Variants in SPPL2A observed in about 807,000 individuals in gnomAD.
SPPL2A encodes the protein signal peptide peptidase-like 2A.
In SPPL2A, 51 loss-of-function variants were observed where a neutral mutation model predicts 63.8. The observed-to-expected ratio is 0.80, with a 90% CI of 0.64 to 1.01. SPPL2A has a LOEUF of 1.01. Ranked by LOEUF, SPPL2A falls within the 50% of genes least tolerant of loss-of-function variation. The pLI is 0.00. For synonymous variants in SPPL2A, 188 were observed against 205.8 expected (o/e 0.91, Z 0.74); for missense variants, 553 against 622.7 (o/e 0.89, Z 1.19).
At chr15:50,758,437 A>G (rs2062980019) in intron 1 of SPPL2A, among the ~76,000 whole-genome samples, 1 of 150,870 alleles carries the variant, frequency 6.6e-6, no homozygotes, top group Admixed American at 6.6e-5. Context: ...GGTTCACGCC[A>G]TTCTCCTGCC....
intron 1 of SPPL2A, chr15:50,764,378 G>C (rs1405729244): frequency 6.6e-6 from 1 of 152,122 alleles, no homozygotes; most frequent in Non-Finnish European, 1.5e-5. Context: ...GCAATTTTTA[G>C]ATACATTCTC....
At chr15:50,741,573 G>A (rs1288154991) in intron 5 of SPPL2A, among the ~76,000 whole-genome samples, 1 of 151,532 alleles carries the variant, frequency 6.6e-6, no homozygotes, top group Non-Finnish European at 1.5e-5. Flanking sequence ...ATACATATGA[G>A]CCATAATAAT....
At position 50,732,599 on chromosome 15, in the gene SPPL2A, T is replaced by A; in HGVS notation, c.1014+4A>T. On this transcript the variant is annotated splice_donor_region_variant and intron_variant, in intron 9 of 14. Transcript: ENST00000261854. ...AACTAGCAAAGTAGTATTGTATACATTACCTTGAAGTTGGGCAACTTCAGT... is the reference window on the plus strand; with the variant it reads ...AACTAGCAAAGTAGTATTGTATACAATACCTTGAAGTTGGGCAACTTCAGT... 6.5e-7 allele frequency: 1 copy of A among 1,542,886 alleles called. No homozygotes were observed. The highest frequency in any genetic ancestry group is 8.9e-7 in the Non-Finnish European group (1 of 1,117,388).
At chr15:50,731,927 C>CAAAAAAAAAAAAAAAAAAA (rs60624824) in intron 9 of SPPL2A, among the ~76,000 whole-genome samples, 1 of 64,224 alleles carries the variant, frequency 1.6e-5, no homozygotes. Context: ...GACTCCATCT[C>CAAAAAAAAAAAAAAAAAAA]AAAAAAAAAA....
At chr15:50,722,261 G>A (rs2062654638) in intron 12 of SPPL2A, 60 bp from the exon 13 acceptor site, 1 of 909,300 alleles carries the variant, frequency 1.1e-6, no homozygotes, top group African/African-American at 1.6e-5. Flanking sequence ...AAATTCAATT[G>A]TTAACAATAG....
chr15:50,724,538 A>T (rs28539033), intron 12 of SPPL2A, among the ~76,000 whole-genome samples: 2 of 151,930 alleles, frequency 1.3e-5, no homozygotes, highest in African/African-American at 4.8e-5. Context: ...AGGTCATGCC[A>T]CTGCGCTCCA....
intron 14 of SPPL2A, 124 bp downstream of exon 14, chr15:50,719,816 G>A: frequency 3.4e-6 from 2 of 593,156 alleles, no homozygotes; most frequent in Non-Finnish European, 5.8e-6. Flanking sequence ...TGGACAGTGA[G>A]TAAGGGGGTA....
rs1356541670 is a variant in SPPL2A at position 50,704,827 on chromosome 15, TTTC to T, written c.*2970_*2972del. On this transcript the variant is annotated 3_prime_UTR_variant, in exon 15 of 15. Transcript: ENST00000261854. ...AGGATGAAGAAACTTAATTATACTT[TTTC>T]TTATTTCTATTTAACCAATAAGATT... is the stretch of plus-strand genomic sequence containing the variant. The T allele has an allele frequency of 1.3e-5, 2 of 152,230 alleles. No individual in the cohort carries two copies. Among genetic ancestry groups the T allele is most frequent in the Non-Finnish European group, 2.9e-5 (2 of 68,044 alleles). The allele number at this position is 152,230 out of a possible 1,614,324, so 9.4% of individuals were successfully genotyped here. A position where few individuals can be genotyped will look rare whatever the true frequency, so the allele number is the denominator to read the frequency against.
At chr15:50,722,317 T>A (rs2062655250) in intron 12 of SPPL2A, 116 bp from the exon 13 acceptor site, 1 of 584,540 alleles carries the variant, frequency 1.7e-6, no homozygotes, top group South Asian at 2.3e-5. Context: ...TATAAGAACA[T>A]TCAAGTACCT....
At position 50,707,717 on chromosome 15, in the gene SPPL2A, G is replaced by T; in HGVS notation, c.*83C>A. 1.3e-6 allele frequency: 1 copy of T among 747,200 alleles called. No homozygotes were observed. 46.3% of individuals were successfully genotyped at this position (747,200 alleles called of 1,614,324 possible). The stretch of plus-strand genomic sequence containing the variant: ...AAGCATATCATTGAAGACTCTTTCA[G>T]ATTGTCAATTCAAAAGTCAATTTAA... On this transcript the variant is annotated 3_prime_UTR_variant, in exon 15 of 15. Transcript: ENST00000261854.
At chr15:50,727,288 G>A (rs2062694466) in intron 10 of SPPL2A, among the ~76,000 whole-genome samples, 1 of 152,108 alleles carries the variant, frequency 6.6e-6, no homozygotes, top group Admixed American at 6.6e-5. Context: ...CCACTTGAGT[G>A]TTTTTAAAAG....
intron 6 of SPPL2A, among the ~76,000 whole-genome samples, chr15:50,738,365 A>G (rs977249268): frequency 2.6e-5 from 4 of 152,098 alleles, no homozygotes; most frequent in East Asian, 1.9e-4. Context: ...CCTGGTCAAC[A>G]TAGTGAAATC....
intron 5 of SPPL2A, among the ~76,000 whole-genome samples, chr15:50,744,249 CTGATA>C (rs1173130083): frequency 6.6e-6 from 1 of 151,760 alleles, no homozygotes; most frequent in East Asian, 1.9e-4. Flanking sequence ...AAAGATGTGA[CTGATA>C]TATGTTGAAA....
intron 14 of SPPL2A, among the ~76,000 whole-genome samples, chr15:50,711,298 C>A (rs1029254971): frequency 3.3e-5 from 5 of 151,502 alleles, no homozygotes; most frequent in African/African-American, 9.7e-5. Flanking sequence ...CAACCTCCGC[C>A]TCCCGGGTTC....
chr15:50,739,170 CTTTTTTTTTTTT>C (rs71127136), intron 6 of SPPL2A, among the ~76,000 whole-genome samples: 1 of 106,936 alleles, frequency 9.4e-6, no homozygotes, highest in African/African-American at 3.5e-5. Context: ...ACATAACGTA[CTTTTTTTTTTTT>C]TTTTTTTTTT....
intron 1 of SPPL2A, among the ~76,000 whole-genome samples, chr15:50,751,775 A>G (rs886936085): frequency 4.6e-5 from 7 of 152,168 alleles, no homozygotes; most frequent in Non-Finnish European, 8.8e-5. Context: ...GAATTTTTAA[A>G]ATATTGTCAT....
In SPPL2A at chr15:50,739,734, C is replaced by T. The variant is rs1344156050; in HGVS notation, c.679G>A (p.Val227Met). 3 of 1,602,510 alleles carry T rather than the reference C, an allele frequency of 1.9e-6. No homozygotes were observed. The highest frequency in any genetic ancestry group is 1.3e-5 in the African/African-American group (1 of 74,268). ...ACCATCATAACACAGCAGATGACCA[C>T]AAATATTACAACTGTAAGAGGACTA... ...TFSPLTVVIFVVICCVMMVLL... is the reference protein window; with the variant it reads ...TFSPLTVVIFMVICCVMMVLL... Residue 227 changes from valine to methionine, a missense_variant, in exon 6 of 15, where the codon GTG (valine) becomes ATG (methionine). Transcript: ENST00000261854.
At position 50,706,554 on chromosome 15, in the gene SPPL2A, A is replaced by T. The variant is rs2062511323; in HGVS notation, c.*1246T>A. 1 of 152,086 alleles carries T rather than the reference A, an allele frequency of 6.6e-6. No homozygotes were observed. The highest frequency in any genetic ancestry group is 2.4e-5 in the African/African-American group (1 of 41,426). 9.4% of individuals were successfully genotyped at this position (152,086 alleles called of 1,614,324 possible). The stretch of plus-strand genomic sequence containing the variant: ...ACCGCACTTTGTACATCCTCCACCA[A>T]GATTAAGAATCATTACCTATGGGAA... On this transcript the variant is annotated 3_prime_UTR_variant, in exon 15 of 15. Transcript: ENST00000261854.
At chr15:50,749,830 G>A (rs2062892783) in intron 1 of SPPL2A, 84 bp from the exon 2 acceptor site, 1 of 811,970 alleles carries the variant, frequency 1.2e-6, no homozygotes, top group Non-Finnish European at 2.2e-6. Flanking sequence ...TTTATATGCA[G>A]GGTTGATCAC....
Sources: gnomAD v4.1 joint callset for allele counts (sites outside exome capture counted in the v4.1 genomes callset) on GRCh38, gnomAD v4.1.1 for gene constraint, MANE v1.5 for transcripts, NCBI Gene and HGNC (gene_info 2026-07-23, HGNC 2026-07-21) for gene names.